The following POU6F2 variants were observed in gnomAD, a reference collection of about 807,000 sequenced individuals.
POU6F2 encodes the protein POU domain, class 6, transcription factor 2.
Under a neutral mutation model 71.3 loss-of-function variants are expected in POU6F2, and 31 were observed. That is an observed-to-expected ratio of 0.43 (90% CI 0.33 to 0.59). The LOEUF (loss-of-function observed/expected upper bound fraction) is 0.59, where lower values mean the gene tolerates loss of function less well. POU6F2 is among the 20% of genes least tolerant of loss of function. The pLI is 0.04. For missense variants in POU6F2, 783 were observed against 856.8 expected, an observed-to-expected ratio of 0.91 and a Z score of 1.07; for synonymous variants, 347 against 355.7, an observed-to-expected ratio of 0.98 and a Z score of 0.27.
At chr7:39,288,323 A>G (rs1490982566) in intron 4 of POU6F2, among the ~76,000 whole-genome samples, 1 of 152,312 alleles carries the variant, frequency 6.6e-6, no homozygotes, top group East Asian at 1.9e-4. Flanking sequence ...TGACATGGCA[A>G]ATAACCTCAC....
chr7:38,995,452 C>G (rs28394315), intron 1 of POU6F2, among the ~76,000 whole-genome samples: 152 of 151,930 alleles, frequency 1.0e-3, no homozygotes, highest in Non-Finnish European at 1.9e-3. Context: ...GCACATGTAC[C>G]CTAAAACTTA....
At chr7:39,051,147 C>G (rs1790392923) in intron 1 of POU6F2, among the ~76,000 whole-genome samples, 1 of 127,146 alleles carries the variant, frequency 7.9e-6, no homozygotes, top group South Asian at 2.5e-4. Context: ...TAGGAGAAGA[C>G]AGAATTAAAT....
At chr7:39,181,341 C>T (rs1325525217) in intron 2 of POU6F2, among the ~76,000 whole-genome samples, 3 of 152,144 alleles carry the variant, frequency 2.0e-5, no homozygotes, top group Non-Finnish European at 2.9e-5. Context: ...TCAACTCTGG[C>T]GGCCTTCACC....
intron 2 of POU6F2, among the ~76,000 whole-genome samples, chr7:39,180,765 T>C (rs1793420347): frequency 6.6e-6 from 1 of 152,194 alleles, no homozygotes; most frequent in Admixed American, 6.5e-5. Flanking sequence ...CATTTGTTTT[T>C]GCACTGGGCC....
Position 39,385,950 on chromosome 7 carries a change from T to TA in POU6F2, c.973-20641dup, listed in dbSNP as rs572135523. Among the ~76,000 whole-genome samples, 627 of 150,306 alleles carry TA rather than the reference T, an allele frequency of 4.2e-3. 13 individuals are homozygous for TA. In the East Asian group the frequency reaches 0.053, roughly 13 times the overall value. On this transcript the variant is annotated intron_variant, in intron 5 of 9. Transcript: ENST00000518318. Reference sequence around the variant, plus strand: ...TAACACAGTGAAACCTCATCTCTACTAAAAAAAAATACAAATAATTAGCCA... The same window carrying TA: ...TAACACAGTGAAACCTCATCTCTACTAAAAAAAAAATACAAATAATTAGCCA...
rs543258671 is a variant in POU6F2 at position 39,024,413 on chromosome 7, G to A, written c.105+46355G>A. On this transcript the variant is annotated intron_variant, in intron 1 of 9. Transcript: ENST00000518318. ...GCTTAAGGAGATTTTGGGCTGAGACGATGGGGTTTTCTAGATATACAATCA... is the reference window on the plus strand; with the variant it reads ...GCTTAAGGAGATTTTGGGCTGAGACAATGGGGTTTTCTAGATATACAATCA... 6.2e-3 allele frequency among the ~76,000 whole-genome samples: 947 copies of A among 151,956 alleles called. 9 individuals carry two copies. The highest frequency in any genetic ancestry group is 0.021 in the African/African-American group (889 of 41,438).
chr7:39,082,871 A>G (rs1164804865), intron 1 of POU6F2, among the ~76,000 whole-genome samples: 1 of 151,836 alleles, frequency 6.6e-6, no homozygotes, highest in Non-Finnish European at 1.5e-5. Flanking sequence ...ATTATGGAAA[A>G]CGTAAAGTGT....
intron 6 of POU6F2, among the ~76,000 whole-genome samples, chr7:39,419,093 GTA>G (rs1787778146): frequency 2.8e-5 from 2 of 72,654 alleles, no homozygotes; most frequent in South Asian, 3.7e-4. Flanking sequence ...ACGTATATGT[GTA>G]TATATACACA....
At chr7:39,094,179 G>A (rs367948338) in intron 2 of POU6F2, among the ~76,000 whole-genome samples, 2 of 152,082 alleles carry the variant, frequency 1.3e-5, no homozygotes, top group African/African-American at 2.4e-5. Flanking sequence ...TGTCTTCTTC[G>A]ATGCTGCTAT....
chr7:38,982,048 C>G (rs1788330491), intron 1 of POU6F2, among the ~76,000 whole-genome samples: 1 of 152,124 alleles, frequency 6.6e-6, no homozygotes, highest in Non-Finnish European at 1.5e-5. Context: ...ATGTGTGATG[C>G]AAGTGGTCTA....
chr7:39,331,626 A>G (rs1243039047), intron 4 of POU6F2, among the ~76,000 whole-genome samples: 1 of 150,378 alleles, frequency 6.6e-6, no homozygotes, highest in African/African-American at 2.5e-5. Flanking sequence ...TCCTGCCTCA[A>G]CCTCCTGAGT....
intron 5 of POU6F2, among the ~76,000 whole-genome samples, chr7:39,372,712 T>G (rs1363396577): frequency 6.6e-6 from 1 of 152,188 alleles, no homozygotes; most frequent in Non-Finnish European, 1.5e-5. Context: ...ACACATAAAA[T>G]TAACGATCAC....
intron 4 of POU6F2, among the ~76,000 whole-genome samples, chr7:39,237,955 C>G (rs1241972410): frequency 6.6e-6 from 1 of 152,104 alleles, no homozygotes; most frequent in Non-Finnish European, 1.5e-5. Flanking sequence ...TGATGGAACT[C>G]TCTCTAGGCC....
intron 2 of POU6F2, among the ~76,000 whole-genome samples, chr7:39,197,959 G>A (rs1398838121): frequency 1.3e-5 from 2 of 152,186 alleles, no homozygotes; most frequent in African/African-American, 4.8e-5. Flanking sequence ...TTACACTCTT[G>A]TAGAGATAGC....
chr7:39,326,357 A>G (rs961217176), intron 4 of POU6F2, among the ~76,000 whole-genome samples: 13 of 152,180 alleles, frequency 8.5e-5, no homozygotes, highest in Admixed American at 5.2e-4. Flanking sequence ...TTCTTCACCA[A>G]TCCTCTGCCA....
At chr7:39,227,648 G>A (rs920807857) in intron 4 of POU6F2, among the ~76,000 whole-genome samples, 3 of 145,530 alleles carry the variant, frequency 2.1e-5, no homozygotes, top group Non-Finnish European at 4.5e-5. Flanking sequence ...TCTGCCACCC[G>A]GGTTCACGCC....
At chr7:39,379,253 G>C (rs1294955875) in intron 5 of POU6F2, among the ~76,000 whole-genome samples, 1 of 152,192 alleles carries the variant, frequency 6.6e-6, no homozygotes, top group Non-Finnish European at 1.5e-5. Context: ...CCAAGTTGGA[G>C]CTAGAACCAC....
At chr7:39,106,262 C>T (rs11763728) in intron 2 of POU6F2, among the ~76,000 whole-genome samples, 47,741 of 152,036 alleles carry the variant, frequency 0.31, 7,687 homozygotes, top group East Asian at 0.56. Flanking sequence ...AGACCTAATA[C>T]AGAGTTGATA....
chr7:39,422,951 C>T (rs1430290181), intron 6 of POU6F2, among the ~76,000 whole-genome samples: 2 of 152,164 alleles, frequency 1.3e-5, no homozygotes, highest in African/African-American at 2.4e-5. Context: ...GGTGCAGCAA[C>T]ATCATCTTCC....
Sources: gnomAD v4.1 joint callset for allele counts (sites outside exome capture counted in the v4.1 genomes callset) on GRCh38, gnomAD v4.1.1 for gene constraint, MANE v1.5 for transcripts, NCBI Gene and HGNC (gene_info 2026-07-23, HGNC 2026-07-21) for gene names.